Variants in RPH3AL observed in about 807,000 individuals in gnomAD.
RPH3AL encodes rabphilin 3A like (without C2 domains), also known as rab effector Noc2.
RPH3AL carries 38 observed loss-of-function variants against 43.1 expected under a neutral mutation model. The observed-to-expected ratio is 0.88, with a 90% confidence interval of 0.68 to 1.15. RPH3AL has a LOEUF of 1.15. Ranked by LOEUF, RPH3AL falls within the 50% of genes most tolerant of loss-of-function variation. The pLI is 0.00. For synonymous variants in RPH3AL, 189 were observed against 176.3 expected (o/e 1.07, Z -0.57); for missense variants, 462 against 423.2 (o/e 1.09, Z -0.81).
chr17:230,470 G>T (rs1474025829), intron 7 of RPH3AL, among the ~76,000 whole-genome samples: 1 of 152,172 alleles, frequency 6.6e-6, no homozygotes, highest in African/African-American at 2.4e-5. Context: ...ATTTAAGGAT[G>T]GGCATAATTT....
chr17:255,785 C>T (rs868958243), intron 6 of RPH3AL, among the ~76,000 whole-genome samples: 11 of 13,060 alleles, frequency 8.4e-4, no homozygotes, highest in East Asian at 3.6e-3. Context: ...ATGAGGGGAG[C>T]CGCACGGCGT....
intron 3 of RPH3AL, among the ~76,000 whole-genome samples, chr17:326,574 G>A (rs2044625722): frequency 6.6e-6 from 1 of 152,150 alleles, no homozygotes; most frequent in Admixed American, 6.5e-5. Context: ...GAGGTCACTA[G>A]GCTGAGGGAC....
chr17:328,381 G>A lies in RPH3AL; in HGVS notation c.-36-802C>T, dbSNP rs2044667908. Among the ~76,000 whole-genome samples the A allele has an allele frequency of 6.6e-6, 1 of 152,050 alleles. No individual in the cohort carries two copies. Among genetic ancestry groups the A allele is most frequent in the African/African-American group, 2.4e-5 (1 of 41,462 alleles). ...CTGAATCCCAGAGCAAGGAGGAGGG[G>A]CTCTCCTGAGCCATCCACACTCTCC... On this transcript the variant is annotated intron_variant, in intron 2 of 9. Coordinates refer to ENST00000331302, the MANE Select transcript of RPH3AL (RefSeq NM_006987.4). This position sits in a 1 kb window ranked among gnomAD's most constrained non-coding sequence, Gnocchi z 4.2.
chr17:314,451 GAC>G (rs2043787254), intron 5 of RPH3AL, among the ~76,000 whole-genome samples: 7 of 126,576 alleles, frequency 5.5e-5, no homozygotes, highest in Admixed American at 1.6e-4. Flanking sequence ...CACCTCCATT[GAC>G]CTGTAGTCTC....
intron 7 of RPH3AL, among the ~76,000 whole-genome samples, chr17:227,782 C>G (rs1199584607): frequency 6.6e-6 from 1 of 152,094 alleles, no homozygotes; most frequent in Non-Finnish European, 1.5e-5. Flanking sequence ...TCCCAAAGCC[C>G]CCAGAAATTA....
At chr17:216,934 C>T (rs954019237) in intron 8 of RPH3AL, among the ~76,000 whole-genome samples, 19 of 152,308 alleles carry the variant, frequency 1.2e-4, no homozygotes, top group Non-Finnish European at 2.1e-4. Flanking sequence ...CCATTCCCAA[C>T]CCAGTCTTGG....
Position 215,658 on chromosome 17 carries a change from G to A in RPH3AL, c.872C>T (p.Ala291Val), listed in dbSNP as rs2040779647. The stretch of plus-strand genomic sequence containing the variant: ...AGGCAGCAGTTGGGTACTCACCGGG[G>A]CCCTTCGGGTCAGCCCGGGGCGGGG... ...GGPRPGLTRR[A>V]PVKDTPGRAP... The change falls in exon 9 of 10, where the codon GCC becomes GTC. Residue 291 changes from alanine to valine, a missense_variant. Physicochemically the swap from Ala to Val is moderately conservative, Grantham distance 64. Coordinates refer to ENST00000331302, the MANE Select transcript of RPH3AL (RefSeq NM_006987.4). The surrounding 1 kb of genome is among the most constrained non-coding windows in gnomAD (Gnocchi z 4.1). The A allele has an allele frequency of 1.6e-5, 21 of 1,279,348 alleles. No individual in the cohort carries two copies. The highest frequency in any genetic ancestry group is 2.1e-5 in the Non-Finnish European group (21 of 1,008,426). The allele number at this position is 1,279,348 out of a possible 1,614,324, so 79.2% of individuals were successfully genotyped here. A position where few individuals can be genotyped will look rare whatever the true frequency, so the allele number is the denominator to read the frequency against.
At chr17:324,938 G>A (rs1006853394) in intron 3 of RPH3AL, among the ~76,000 whole-genome samples, 2 of 152,092 alleles carry the variant, frequency 1.3e-5, no homozygotes, top group African/African-American at 4.8e-5. Context: ...TGTTGGCCAG[G>A]CTGGTCTCAA....
intron 7 of RPH3AL, among the ~76,000 whole-genome samples, chr17:236,386 G>C (rs986806815): frequency 6.6e-6 from 1 of 152,256 alleles, no homozygotes; most frequent in Admixed American, 6.5e-5. Flanking sequence ...CCTCAGCTCT[G>C]CTCTGGGTCT....
intron 7 of RPH3AL, among the ~76,000 whole-genome samples, chr17:235,572 T>G (rs71369968): frequency 3.5e-4 from 7 of 19,730 alleles, no homozygotes; most frequent in African/African-American, 8.2e-4. Context: ...CTGGGGTCGG[T>G]GGAGGCTCCA....
At chr17:327,625 G>A in intron 2 of RPH3AL, 46 bp from the exon 3 acceptor site, 1 of 1,284,802 alleles carries the variant, frequency 7.8e-7, no homozygotes, top group Non-Finnish European at 1.1e-6. Context: ...CATTGGCTGG[G>A]GTACAGATGG....
intron 1 of RPH3AL, among the ~76,000 whole-genome samples, chr17:348,173 A>T (rs7215139): frequency 6.6e-6 from 1 of 151,712 alleles, no homozygotes; most frequent in Non-Finnish European, 1.5e-5. Context: ...TTCCAACTAC[A>T]TCTATGACAT....
intron 7 of RPH3AL, among the ~76,000 whole-genome samples, chr17:223,579 C>T (rs1366043429): frequency 6.6e-6 from 1 of 152,158 alleles, no homozygotes; most frequent in Middle Eastern, 3.2e-3. Context: ...GTGGCTAGCA[C>T]GTTTCATCTG....
intron 8 of RPH3AL, among the ~76,000 whole-genome samples, chr17:219,192 C>CTTTTTTTTTT (rs796389217): frequency 1.7e-4 from 10 of 58,004 alleles, no homozygotes; most frequent in African/African-American, 5.5e-4. Flanking sequence ...ATAAACAGCA[C>CTTTTTTTTTT]TTTTTTTTTT....
chr17:289,329 C>T lies in RPH3AL; in HGVS notation c.352-7475G>A, dbSNP rs1297316002. On this transcript the variant is annotated intron_variant, in intron 5 of 9. Coordinates refer to ENST00000331302, the MANE Select transcript of RPH3AL (RefSeq NM_006987.4). The surrounding 1 kb of genome is among the most constrained non-coding windows in gnomAD (Gnocchi z 5.2). The stretch of plus-strand genomic sequence containing the variant: ...CATCCATCAGTCACACAAGCCACAA[C>T]CCAGCACTCATCCTGGGCCCCCATC... Among the ~76,000 whole-genome samples, 2 of 152,158 alleles carry T rather than the reference C, an allele frequency of 1.3e-5. No individual in the cohort carries two copies. The highest frequency in any genetic ancestry group is 3.9e-4 in the East Asian group (2 of 5,190).
chr17:293,751 G>A (rs7212943), intron 5 of RPH3AL, among the ~76,000 whole-genome samples: 69,415 of 151,854 alleles, frequency 0.46, 17,819 homozygotes, highest in Non-Finnish European at 0.58. Flanking sequence ...AAATCTGGTC[G>A]GGCGCGGTGG....
intron 7 of RPH3AL, among the ~76,000 whole-genome samples, chr17:244,440 G>C (rs544342298): frequency 6.6e-5 from 10 of 151,734 alleles, no homozygotes; most frequent in Admixed American, 5.9e-4. Context: ...AAGAGAATGG[G>C]GGGGGAGAGG....
At chr17:250,133 G>A (rs113732638) in intron 6 of RPH3AL, among the ~76,000 whole-genome samples, 3,477 of 44,770 alleles carry the variant, frequency 0.078, 4 homozygotes, top group Middle Eastern at 0.12. Context: ...GGGACCTCTC[G>A]GAGCCTTTAC....
chr17:216,227 G>A (rs1284820729), intron 8 of RPH3AL, among the ~76,000 whole-genome samples: 1 of 149,094 alleles, frequency 6.7e-6, no homozygotes, highest in African/African-American at 2.5e-5. Context: ...ATGGCTGCCG[G>A]GCTCTGGCCT....
Sources: gnomAD v4.1 joint callset for allele counts (sites outside exome capture counted in the v4.1 genomes callset) on GRCh38, gnomAD v4.1.1 for gene constraint, Gnocchi (gnomAD v3.1) non-coding constraint, MANE v1.5 for transcripts, NCBI Gene and HGNC (gene_info 2026-07-23, HGNC 2026-07-21) for gene names.